Variants in DENND1B observed in about 807,000 individuals in gnomAD.
The protein encoded by DENND1B is DENN domain-containing protein 1B.
In DENND1B, 59 loss-of-function variants were observed where a neutral mutation model predicts 90.1. That is an observed-to-expected ratio of 0.65 (90% CI 0.53 to 0.81). The LOEUF (loss-of-function observed/expected upper bound fraction) is 0.81. Ranked by LOEUF, DENND1B falls within the 40% of genes least tolerant of loss-of-function variation. The probability of loss-of-function intolerance (pLI) is 0.00; values close to 1 mark genes in which losing one functional copy is unlikely to be tolerated. For missense variants in DENND1B, 862 were observed against 912.6 expected (o/e 0.94, Z 0.71); for synonymous variants, 337 against 324.6 (o/e 1.04, Z -0.41).
rs748876848 is a variant in DENND1B, at chr1:197,510,550, G to A, written c.2238C>T (p.Leu746=). The change falls in exon 23 of 23, where the codon CTC becomes CTT. Residue 746 remains leucine, a synonymous_variant. Transcript: ENST00000620048. ...AKETSEDIGL[L]HEVVSLCHMT... ...TATGACATAATGACACTACTTCATG[G>A]AGCAGTCCAATATCTTCTGAAGTCT... 1.1e-5 allele frequency: 17 copies of A among 1,612,430 alleles called. 1 individual carries two copies. The Middle Eastern group carries it at 4.9e-4, about 47-fold the overall frequency.
At chr1:197,557,589 C>A (rs963092707) in intron 15 of DENND1B, among the ~76,000 whole-genome samples, 5 of 151,730 alleles carry the variant, frequency 3.3e-5, no homozygotes, top group African/African-American at 2.4e-5. Flanking sequence ...GTGGCAGACA[C>A]CAATGTACAC....
chr1:197,582,276 T>C (rs748467540), intron 15 of DENND1B, among the ~76,000 whole-genome samples: 3 of 152,128 alleles, frequency 2.0e-5, no homozygotes, highest in Non-Finnish European at 4.4e-5. Context: ...CTGACCTAAT[T>C]TGAAGGTTAT....
At chr1:197,670,436 G>A (rs1194945200) in intron 5 of DENND1B, among the ~76,000 whole-genome samples, 1 of 40,506 alleles carries the variant, frequency 2.5e-5, no homozygotes, top group Non-Finnish European at 4.9e-5. Context: ...TAAAGGTGGG[G>A]GGAAGACTGT....
intron 10 of DENND1B, among the ~76,000 whole-genome samples, chr1:197,626,389 C>G (rs1455362222): frequency 6.6e-6 from 1 of 152,152 alleles, no homozygotes; most frequent in Non-Finnish European, 1.5e-5. Flanking sequence ...CACTCAACTA[C>G]ATGGAAACTG....
At chr1:197,759,292 A>T (rs934790983) in intron 2 of DENND1B, among the ~76,000 whole-genome samples, 4 of 151,724 alleles carry the variant, frequency 2.6e-5, no homozygotes, top group Admixed American at 6.6e-5. Flanking sequence ...TAAAAAATTT[A>T]AAAAACCAAA....
intron 13 of DENND1B, among the ~76,000 whole-genome samples, chr1:197,601,261 T>C (rs1006397981): frequency 5.3e-5 from 8 of 151,522 alleles, no homozygotes; most frequent in African/African-American, 1.9e-4. Context: ...AATGAACAAA[T>C]CTAACAATCT....
rs1171874038 is a variant in DENND1B at position 197,554,098 on chromosome 1, TATAC to T, written c.1150-990_1150-987del. 3.8e-4 allele frequency among the ~76,000 whole-genome samples: 37 copies of T among 98,410 alleles called. 1 individual carries two copies. The highest frequency in any genetic ancestry group is 2.8e-3 in the South Asian group (7 of 2,520). The allele number at this position is 98,410 out of a possible 152,430, so 64.6% of individuals were successfully genotyped here. Reference sequence around the variant, plus strand: ...CCAACCCAAGGTGAAAATCAATGATTATACACACACACACACACACACACACACA... The same window carrying T: ...CCAACCCAAGGTGAAAATCAATGATTACACACACACACACACACACACACA... On this transcript the variant is annotated intron_variant, in intron 15 of 22. Coordinates refer to ENST00000620048, the MANE Select transcript of DENND1B (RefSeq NM_001195215.2).
At chr1:197,553,820 T>C (rs1443077565) in intron 15 of DENND1B, among the ~76,000 whole-genome samples, 4 of 152,118 alleles carry the variant, frequency 2.6e-5, no homozygotes, top group Non-Finnish European at 5.9e-5. Flanking sequence ...AAATGCATAC[T>C]GACTTGATAT....
intron 15 of DENND1B, among the ~76,000 whole-genome samples, chr1:197,559,070 GAT>G (rs1268796135): frequency 2.0e-5 from 3 of 151,876 alleles, no homozygotes; most frequent in Non-Finnish European, 4.4e-5. Context: ...TCCTCTAAGA[GAT>G]AAGTCATATG....
At chr1:197,536,361 G>T (rs142723422) in intron 20 of DENND1B, among the ~76,000 whole-genome samples, 1 of 152,156 alleles carries the variant, frequency 6.6e-6, no homozygotes, top group East Asian at 1.9e-4. Context: ...TTGTGAGTTT[G>T]CTAACACTAT....
chr1:197,625,274 G>A (rs1329543446), intron 10 of DENND1B, among the ~76,000 whole-genome samples: 1 of 152,052 alleles, frequency 6.6e-6, no homozygotes, highest in South Asian at 2.1e-4. Context: ...GAAAGGTCGG[G>A]TTACCCTCAA....
chr1:197,634,635 A>G (rs1455491298), intron 10 of DENND1B, among the ~76,000 whole-genome samples: 1 of 152,174 alleles, frequency 6.6e-6, no homozygotes, highest in Non-Finnish European at 1.5e-5. Context: ...TTTAAAAAAA[A>G]TTATCTAGTA....
intron 5 of DENND1B, among the ~76,000 whole-genome samples, chr1:197,661,827 C>T (rs529257248): frequency 6.6e-6 from 1 of 152,024 alleles, no homozygotes; most frequent in East Asian, 1.9e-4. Context: ...CTTTTAATTT[C>T]CTTTCAAATT....
chr1:197,564,617 G>A (rs140664409), intron 15 of DENND1B, among the ~76,000 whole-genome samples: 1 of 151,994 alleles, frequency 6.6e-6, no homozygotes, highest in African/African-American at 2.4e-5. Flanking sequence ...TCACTTTATT[G>A]TAGTGGTCTG....
rs527394940 is a variant in DENND1B, at chr1:197,751,114, C to T, written c.82+21754G>A. Among the ~76,000 whole-genome samples, 28 of 152,238 alleles carry T rather than the reference C, an allele frequency of 1.8e-4. No homozygotes were observed. In the South Asian group the frequency reaches 5.6e-3, roughly 30 times the overall value. ...TCTAACTGGCATTTAAACAATACAT[C>T]CAACAACTGCAGAATATATATTCTA... is the stretch of plus-strand genomic sequence containing the variant. On this transcript the variant is annotated intron_variant, in intron 2 of 22. Coordinates refer to ENST00000620048, the MANE Select transcript of DENND1B (RefSeq NM_001195215.2).
At chr1:197,520,780 T>G (rs1295999768) in intron 20 of DENND1B, among the ~76,000 whole-genome samples, 1 of 151,892 alleles carries the variant, frequency 6.6e-6, no homozygotes, top group Non-Finnish European at 1.5e-5. Context: ...AATGGGGAAT[T>G]GGATGTCACA....
chr1:197,751,870 A>C (rs1252662096), intron 2 of DENND1B, among the ~76,000 whole-genome samples: 1 of 141,722 alleles, frequency 7.1e-6, no homozygotes. Context: ...GCAGGGGAAG[A>C]AGGAGGAGGA....
At chr1:197,566,431 CA>C (rs1672676215) in intron 15 of DENND1B, among the ~76,000 whole-genome samples, 1 of 151,708 alleles carries the variant, frequency 6.6e-6, no homozygotes. Context: ...TTTCTGGTAC[CA>C]AAACAGAGAT....
At chr1:197,535,041 A>C (rs929653404) in intron 20 of DENND1B, among the ~76,000 whole-genome samples, 1 of 152,224 alleles carries the variant, frequency 6.6e-6, no homozygotes, top group African/African-American at 2.4e-5. Flanking sequence ...CAGACTGCAA[A>C]GAAAAGGCAG....
Sources: allele counts gnomAD v4.1 joint callset (sites outside exome capture counted in the v4.1 genomes callset), GRCh38; gene constraint gnomAD v4.1.1; transcripts MANE v1.5; gene names NCBI Gene and HGNC (gene_info 2026-07-23, HGNC 2026-07-21).